ADCY6: variants seen among roughly 807,000 people sequenced by gnomAD.
ADCY6 encodes adenylate cyclase 6.
A neutral mutation model predicts 111.6 loss-of-function variants in ADCY6; 59 were observed. The ratio of observed to expected loss-of-function variants is 0.53; its 90% CI spans 0.43 to 0.66. ADCY6 has a LOEUF of 0.66. Ranked by LOEUF, ADCY6 falls within the 30% of genes least tolerant of loss-of-function variation. The pLI is 0.00. For missense variants in ADCY6, 1,242 were observed against 1,595.6 expected, an observed-to-expected ratio of 0.78 and a Z score of 3.78; for synonymous variants, 576 against 642.9, an observed-to-expected ratio of 0.90 and a Z score of 1.57.
rs746905811 is a variant in ADCY6, at chr12:48,782,750, C to A, written c.685G>T (p.Ala229Ser). 10 of 1,607,546 alleles carry A rather than the reference C, an allele frequency of 6.2e-6. No homozygotes were observed. The highest frequency in any genetic ancestry group is 8.5e-6 in the Non-Finnish European group (10 of 1,176,952). The change falls in exon 2 of 22, where the codon GCA (alanine) becomes TCA (serine). Residue 229 changes from alanine (A) to serine (S), a missense_variant. Transcript: ENST00000357869. The surrounding 1 kb of genome is among the most constrained non-coding windows in gnomAD (Gnocchi z 4.3). The part of the protein sequence containing the change: ...LAAVQVGGAL[A>S]ADPRSPSAGL... ...GCAGAGGGGCTGCGCGGGTCTGCTG[C>A]GAGAGCGCCCCCGACCTGCACTGCC...
At chr12:48,778,023 G>A (rs183806542) in intron 3 of ADCY6, 85 bp downstream of exon 3, 33 of 1,510,196 alleles carry the variant, frequency 2.2e-5, no homozygotes, top group South Asian at 5.1e-5. Flanking sequence ...TGTGCTGCAC[G>A]GAACTGGACA....
At chr12:48,778,076 G>C in intron 3 of ADCY6, 32 bp downstream of exon 3, 1 of 1,585,516 alleles carries the variant, frequency 6.3e-7, no homozygotes, top group Non-Finnish European at 8.6e-7. Context: ...GGTAAGGTGG[G>C]GGCAGGCCCT....
upstream of ADCY6, chr12:48,789,476 C>G (rs1441118561): frequency 6.6e-6 from 1 of 152,104 alleles, no homozygotes; most frequent in African/African-American, 2.4e-5. Flanking sequence ...CGGCTACATC[C>G]CCCGCCCCGC....
chr12:48,786,679 A>G (rs990628909), intron 1 of ADCY6, among the ~76,000 whole-genome samples: 1 of 152,104 alleles, frequency 6.6e-6, no homozygotes, highest in African/African-American at 2.4e-5. Context: ...ACCTCTTAAC[A>G]TCACCAACAG....
Position 48,770,958 on chromosome 12 carries a change from C to T in ADCY6, c.3064G>A (p.Glu1022Lys), listed in dbSNP as rs150284492. Residue 1022 changes from glutamate to lysine, a missense_variant, in exon 20 of 22, where the codon GAG becomes AAG. By Grantham distance (56) the Glu-to-Lys change is moderately conservative. Transcript: ENST00000357869. ...IADFDEIISE[E>K]RFRQLEKIKT... ...ATCTTTTCCAGCTGCCGGAACCGCT[C>T]CTCGCTGATAATCTGAACAACACAA... The T allele has an allele frequency of 3.1e-6, 5 of 1,613,950 alleles. No individual in the cohort carries two copies. In the African/African-American group the frequency reaches 6.7e-5, roughly 22 times the overall value.
At chr12:48,775,633 G>A (rs1275270552) in intron 10 of ADCY6, 40 bp downstream of exon 10, 2 of 1,603,122 alleles carry the variant, frequency 1.2e-6, no homozygotes, top group Admixed American at 1.7e-5. Context: ...CCCCATCCCA[G>A]GGTGCAAGTG....
Position 48,775,978 on chromosome 12 carries a change from C to T in ADCY6, c.1791G>A (p.Lys597=). ...GGCCCCTCACCATCTGGCGGAAGGCCTTGGAGTCCTTGGTCCGGGAGAAGG... is the reference window on the plus strand; with the variant it reads ...GGCCCCTCACCATCTGGCGGAAGGCTTTGGAGTCCTTGGTCCGGGAGAAGG... ...DRAFSRTKDS[K]AFRQMGIDDS... is the part of the protein sequence containing the mutation. Residue 597 remains lysine (K), a synonymous_variant, in exon 9 of 22, where the codon AAG becomes AAA. Coordinates refer to ENST00000357869, the MANE Select transcript of ADCY6 (RefSeq NM_015270.5). 5.0e-6 allele frequency: 8 copies of T among 1,606,170 alleles called. No individual in the cohort carries two copies. Among genetic ancestry groups the T allele is most frequent in the Non-Finnish European group, 6.8e-6 (8 of 1,176,356 alleles).
intron 12 of ADCY6, 25 bp from the exon 13 acceptor site, chr12:48,774,803 A>G: frequency 6.2e-7 from 1 of 1,609,050 alleles, no homozygotes; most frequent in Non-Finnish European, 8.5e-7. Flanking sequence ...GGCCAGAAAA[A>G]TCATTTAATT....
intron 1 of ADCY6, among the ~76,000 whole-genome samples, chr12:48,787,713 T>A (rs1164750032): frequency 2.0e-5 from 3 of 152,108 alleles, no homozygotes; most frequent in Non-Finnish European, 2.9e-5. Flanking sequence ...CTCTACCTTC[T>A]CCTCCCCTGA....
rs1941628205 is a variant in ADCY6, at chr12:48,774,106, A to G, written c.2284-8T>C. 1 of 1,603,452 alleles carries G rather than the reference A, an allele frequency of 6.2e-7. No homozygotes were observed. The highest frequency in any genetic ancestry group is 8.5e-7 in the Non-Finnish European group (1 of 1,174,296). On this transcript the variant is annotated splice_region_variant and splice_polypyrimidine_tract_variant and intron_variant, in intron 14 of 21. Coordinates refer to ENST00000357869, the MANE Select transcript of ADCY6 (RefSeq NM_015270.5). ...GGTGTGGTTACAGGTGAACTGCAAA[A>G]GTGGAGGGGTATATCAGGGTAACCA...
Position 48,777,981 on chromosome 12 carries a change from C to A in ADCY6, c.1014+127G>T. 1 of 1,378,044 alleles carries A rather than the reference C, an allele frequency of 7.3e-7. No individual in the cohort carries two copies. The allele number at this position is 1,378,044 out of a possible 1,614,324, so 85.4% of individuals were successfully genotyped here. ...ACAAAACCCCAGTATCACAGGGCCT[C>A]TGTGACGCACAACCCAGGGGAACCA... is the stretch of plus-strand genomic sequence containing the variant. On this transcript the variant is annotated intron_variant, in intron 3 of 21. Coordinates refer to ENST00000357869, the MANE Select transcript of ADCY6 (RefSeq NM_015270.5). The surrounding 1 kb of genome is among the most constrained non-coding windows in gnomAD (Gnocchi z 4.9).
At position 48,776,397 on chromosome 12, in the gene ADCY6, C is replaced by T. The variant is rs758633340; in HGVS notation, c.1535+31G>A. ...AGACCCTGGCTCTCCCACCTTGCCC[C>T]CATCCCCCCCACCTGGACCCCCCTA... On this transcript the variant is annotated intron_variant, in intron 7 of 21. Coordinates refer to ENST00000357869, the MANE Select transcript of ADCY6 (RefSeq NM_015270.5). This position sits in a 1 kb window ranked among gnomAD's most constrained non-coding sequence, Gnocchi z 6.1. 6 of 1,612,942 alleles carry T rather than the reference C, an allele frequency of 3.7e-6. No homozygotes were observed. The highest frequency in any genetic ancestry group is 5.1e-6 in the Non-Finnish European group (6 of 1,179,242).
Position 48,775,698 on chromosome 12 carries a change from C to T in ADCY6, c.1807G>A (p.Gly603Ser), listed in dbSNP as rs1352137729. The part of the protein sequence containing the change: ...TKDSKAFRQM[G>S]IDDSSKDNRG... ...TTGTCTTTGCTGGAATCATCAATGCCCTGGAGAAAGGGACAGAGTGTGGAG... is the reference window on the plus strand; with the variant it reads ...TTGTCTTTGCTGGAATCATCAATGCTCTGGAGAAAGGGACAGAGTGTGGAG... The change falls in exon 10 of 22, where the codon GGC (glycine) becomes AGC (serine). Residue 603 changes from glycine (G) to serine (S), a missense_variant and splice_region_variant. This residue lies in a region of ADCY6 where 375 missense variants were observed against 432.5 expected (regional missense o/e 0.87). Coordinates refer to ENST00000357869, the MANE Select transcript of ADCY6 (RefSeq NM_015270.5). The T allele has an allele frequency of 1.5e-5, 25 of 1,613,360 alleles. No individual in the cohort carries two copies. The highest frequency in any genetic ancestry group is 2.0e-5 in the Non-Finnish European group (24 of 1,179,644).
intron 1 of ADCY6, among the ~76,000 whole-genome samples, chr12:48,784,679 T>G (rs1178966313): frequency 7.1e-6 from 1 of 141,828 alleles, no homozygotes; most frequent in East Asian, 2.0e-4. Flanking sequence ...TTTTTTTTTT[T>G]TTTTTTTTTT....
chr12:48,770,648 G>T, intron 20 of ADCY6, 118 bp downstream of exon 20: 1 of 1,004,344 alleles, frequency 1.0e-6, no homozygotes, highest in Non-Finnish European at 1.5e-6. Flanking sequence ...GAGGTCAGAG[G>T]GAAGAAAACC....
Position 48,777,850 on chromosome 12 carries a change from C to G in ADCY6, c.1015-114G>C. On this transcript the variant is annotated intron_variant, in intron 3 of 21. Coordinates refer to ENST00000357869, the MANE Select transcript of ADCY6 (RefSeq NM_015270.5). The surrounding 1 kb of genome is among the most constrained non-coding windows in gnomAD (Gnocchi z 4.9). ...TAGACTTCTCTGAAGACCTGACCTT[C>G]CCTTCTGGACTGTGGCCTGACCTTC... 3 of 1,488,310 alleles carry G rather than the reference C, an allele frequency of 2.0e-6. No individual in the cohort carries two copies. The highest frequency in any genetic ancestry group is 2.7e-6 in the Non-Finnish European group (3 of 1,104,938). The allele number at this position is 1,488,310 out of a possible 1,614,324, so 92.2% of individuals were successfully genotyped here.
At chr12:48,773,713 C>G (rs763560102) in intron 15 of ADCY6, 66 bp from the exon 16 acceptor site, 46 of 1,584,874 alleles carry the variant, frequency 2.9e-5, no homozygotes, top group Non-Finnish European at 3.8e-5. Context: ...GCAGGGAGAG[C>G]CCTGCACTCT....
At chr12:48,772,610 G>T in intron 16 of ADCY6, 67 bp from the exon 17 acceptor site, 1 of 1,581,176 alleles carries the variant, frequency 6.3e-7, no homozygotes, top group South Asian at 1.1e-5. Flanking sequence ...CACATGGAAG[G>T]GGAGACAAGA....
Position 48,775,957 on chromosome 12 carries a change from C to T in ADCY6, c.1806+6G>A, listed in dbSNP as rs1355906289. 5 of 1,597,394 alleles carry T rather than the reference C, an allele frequency of 3.1e-6. No individual in the cohort carries two copies. In the South Asian group the frequency reaches 3.4e-5, roughly 11 times the overall value. ...GGCCCTAGGTCTGGTGCTGAGGGCC[C>T]CTCACCATCTGGCGGAAGGCCTTGG... On this transcript the variant is annotated splice_donor_region_variant and intron_variant, in intron 9 of 21. Coordinates refer to ENST00000357869, the MANE Select transcript of ADCY6 (RefSeq NM_015270.5).
Sources: gnomAD v4.1 joint callset for allele counts (sites outside exome capture counted in the v4.1 genomes callset) on GRCh38, gnomAD v4.1.1 for gene constraint, gnomAD v4.1.1 regional missense constraint, Gnocchi (gnomAD v3.1) non-coding constraint, MANE v1.5 for transcripts, NCBI Gene and HGNC (gene_info 2026-07-23, HGNC 2026-07-21) for gene names.